PDK2: variants seen among roughly 807,000 people sequenced by gnomAD.
PDK2 encodes pyruvate dehydrogenase kinase, isozyme 2.
Under a neutral mutation model 50.4 loss-of-function variants are expected in PDK2, and 34 were observed. The ratio of observed to expected loss-of-function variants is 0.68; its 90% CI spans 0.51 to 0.90. PDK2 has a LOEUF of 0.90. PDK2 is among the 40% of genes least tolerant of loss of function. The pLI is 0.00. For synonymous variants in PDK2, 232 were observed against 216.0 expected, an observed-to-expected ratio of 1.07 and a Z score of -0.65; for missense variants, 377 against 544.5, an observed-to-expected ratio of 0.69 and a Z score of 3.06.
At position 50,106,298 on chromosome 17, in the gene PDK2, G is replaced by A; in HGVS notation, c.517+229G>A. Reference sequence around the variant, plus strand: ...GTTTTGTTTTCAGTGTTTGCAAAATGTAAAATTATGTCACATCTTTAAAAG... The same window carrying A: ...GTTTTGTTTTCAGTGTTTGCAAAATATAAAATTATGTCACATCTTTAAAAG... On this transcript the variant is annotated intron_variant, in intron 4 of 10. Coordinates refer to ENST00000503176, the MANE Select transcript of PDK2 (RefSeq NM_002611.5). 4 of 1,113,738 alleles carry A rather than the reference G, an allele frequency of 3.6e-6. 1 individual carries two copies. The South Asian group carries it at 7.5e-5, about 21-fold the overall frequency. 69.0% of individuals were successfully genotyped at this position (1,113,738 alleles called of 1,614,324 possible).
intron 4 of PDK2, chr17:50,106,344 T>C: frequency 1.3e-6 from 1 of 754,242 alleles, no homozygotes; most frequent in Non-Finnish European, 2.0e-6. Flanking sequence ...TTAGTATTTA[T>C]AAAAACTCTC....
intron 6 of PDK2, 147 bp from the exon 7 acceptor site, chr17:50,108,009 C>G (rs1480467176): frequency 3.0e-6 from 2 of 670,620 alleles, no homozygotes; most frequent in Non-Finnish European, 5.4e-6. Context: ...ACCAGCTACC[C>G]CAGCTCAAGG....
rs916452080 is a variant in PDK2, at chr17:50,111,708, G to C, written c.*1611G>C. On this transcript the variant is annotated 3_prime_UTR_variant, in exon 11 of 11. Transcript: ENST00000503176. ...AACTCTGACCAGTGTCCTGGAAGCG[G>C]GACTAGCTGCTGACCAGCGCCACAC... The C allele has an allele frequency of 3.3e-5, 5 of 152,312 alleles. No individual in the cohort carries two copies. Among genetic ancestry groups the C allele is most frequent in the African/African-American group, 1.2e-4 (5 of 41,450 alleles). 9.4% of individuals were successfully genotyped at this position (152,312 alleles called of 1,614,324 possible).
At chr17:50,098,064 C>G (rs1013988926) in intron 2 of PDK2, among the ~76,000 whole-genome samples, 3 of 152,184 alleles carry the variant, frequency 2.0e-5, no homozygotes, top group African/African-American at 7.2e-5. Flanking sequence ...TCCCGAAGAG[C>G]TTTGGAGGGG....
intron 9 of PDK2, 44 bp downstream of exon 9, chr17:50,108,763 C>T (rs1281168780): frequency 9.1e-7 from 1 of 1,098,422 alleles, no homozygotes; most frequent in South Asian, 1.3e-5. Context: ...CTGAGGGAGG[C>T]TTCTCTCCTC....
chr17:50,103,190 C>T (rs1910323630), intron 2 of PDK2, among the ~76,000 whole-genome samples: 1 of 152,134 alleles, frequency 6.6e-6, no homozygotes, highest in Non-Finnish European at 1.5e-5. Context: ...GAGAGAAAGG[C>T]TGATCTTTTC....
At chr17:50,105,203 C>G (rs1201235400) in intron 2 of PDK2, 168 bp from the exon 3 acceptor site, 1 of 504,332 alleles carries the variant, frequency 2.0e-6, no homozygotes, top group Non-Finnish European at 3.6e-6. Flanking sequence ...GTCAGGGAGA[C>G]TCACATACAA....
chr17:50,102,960 C>G (rs1442703922), intron 2 of PDK2, among the ~76,000 whole-genome samples: 1 of 152,196 alleles, frequency 6.6e-6, no homozygotes, highest in Non-Finnish European at 1.5e-5. Flanking sequence ...TACTATGTGG[C>G]CTGGGGCATA....
rs904666346 is a variant in PDK2, at chr17:50,101,401, C to T, written c.260+3837C>T. ...TTTGCAAATGGGGACCCGAGGGACTCGGTGGCCTCTTTAGGGCACAATCAG... is the reference window on the plus strand; with the variant it reads ...TTTGCAAATGGGGACCCGAGGGACTTGGTGGCCTCTTTAGGGCACAATCAG... On this transcript the variant is annotated intron_variant, in intron 2 of 10. Coordinates refer to ENST00000503176, the MANE Select transcript of PDK2 (RefSeq NM_002611.5). The surrounding 1 kb of genome is among the most constrained non-coding windows in gnomAD (Gnocchi z 4.2). Among the ~76,000 whole-genome samples the T allele has an allele frequency of 2.0e-5, 3 of 152,152 alleles. No individual in the cohort carries two copies. The highest frequency in any genetic ancestry group is 2.9e-5 in the Non-Finnish European group (2 of 68,012).
In PDK2 at chr17:50,110,293, G is replaced by A. The variant is rs544704742; in HGVS notation, c.*196G>A. 65 of 491,026 alleles carry A rather than the reference G, an allele frequency of 1.3e-4. 1 individual carries two copies. In the South Asian group the frequency reaches 2.7e-3, roughly 21 times the overall value. 30.4% of individuals were successfully genotyped at this position (491,026 alleles called of 1,614,324 possible). A position where few individuals can be genotyped will look rare whatever the true frequency, so the allele number is the denominator to read the frequency against. ...CAGTCCATCTCTGTGGAGACCCCTC[G>A]GTGGCCTCCCTATCTCTGTGGGCGA... On this transcript the variant is annotated 3_prime_UTR_variant, in exon 11 of 11. Coordinates refer to ENST00000503176, the MANE Select transcript of PDK2 (RefSeq NM_002611.5).
At chr17:50,104,870 C>T (rs1668288149) in intron 2 of PDK2, among the ~76,000 whole-genome samples, 1 of 152,366 alleles carries the variant, frequency 6.6e-6, no homozygotes, top group East Asian at 1.9e-4. Flanking sequence ...GTCTCCTCTG[C>T]CGGGGGTCAC....
chr17:50,098,611 C>A (rs1910066757), intron 2 of PDK2: 1 of 152,180 alleles, frequency 6.6e-6, no homozygotes, highest in Non-Finnish European at 1.5e-5. Context: ...GAAGAAAATG[C>A]CAACCACTCC....
chr17:50,095,229 C>T, upstream of PDK2: 1 of 508,698 alleles, frequency 2.0e-6, no homozygotes, highest in South Asian at 2.7e-5. Flanking sequence ...AGCCACGTGC[C>T]GGGGCGGAAG....
At position 50,110,489 on chromosome 17, in the gene PDK2, C is replaced by G. The variant is rs1238231754; in HGVS notation, c.*392C>G. ...CAAGTGGATGTCCCGTTGCCTTATTCCCCCAGCCCACAAAGGCACCCTGGC... is the reference window on the plus strand; with the variant it reads ...CAAGTGGATGTCCCGTTGCCTTATTGCCCCAGCCCACAAAGGCACCCTGGC... On this transcript the variant is annotated 3_prime_UTR_variant, in exon 11 of 11. Transcript: ENST00000503176. 1.3e-5 allele frequency: 2 copies of G among 159,342 alleles called. No homozygotes were observed. Among genetic ancestry groups the G allele is most frequent in the Non-Finnish European group, 2.7e-5 (2 of 72,982 alleles). 9.9% of individuals were successfully genotyped at this position (159,342 alleles called of 1,614,324 possible). A position where few individuals can be genotyped will look rare whatever the true frequency, so the allele number is the denominator to read the frequency against.
chr17:50,106,159 C>G (rs1456992393), intron 4 of PDK2, 90 bp downstream of exon 4: 1 of 1,539,846 alleles, frequency 6.5e-7, no homozygotes, highest in Non-Finnish European at 8.8e-7. Context: ...CTAGACCACT[C>G]TTCAGAACCC....
intron 6 of PDK2, 53 bp from the exon 7 acceptor site, chr17:50,108,103 G>C: frequency 4.8e-6 from 7 of 1,468,644 alleles, no homozygotes; most frequent in Non-Finnish European, 6.6e-6. Context: ...TAAGGTGGTT[G>C]AGCAGTGACC....
At position 50,095,957 on chromosome 17, in the gene PDK2, G is replaced by T. The variant is rs575725666; in HGVS notation, c.118+404G>T. ...GGAAACCGGGGGTCTGCTGGTGGGA[G>T]TGAGGAGGCAGGGTTTAGAGGTGCA... On this transcript the variant is annotated intron_variant, in intron 1 of 10. Coordinates refer to ENST00000503176, the MANE Select transcript of PDK2 (RefSeq NM_002611.5). 9.7e-5 allele frequency: 48 copies of T among 495,944 alleles called. 1 individual carries two copies. The South Asian group carries it at 3.0e-3, about 31-fold the overall frequency. The allele number at this position is 495,944 out of a possible 1,614,324, so 30.7% of individuals were successfully genotyped here. A position where few individuals can be genotyped will look rare whatever the true frequency, so the allele number is the denominator to read the frequency against.
chr17:50,104,083 C>A (rs963780864), intron 2 of PDK2, among the ~76,000 whole-genome samples: 5 of 152,178 alleles, frequency 3.3e-5, no homozygotes, highest in Non-Finnish European at 7.3e-5. Context: ...CAGAGAGAGG[C>A]TCTTCCTGCC....
rs924084653 is a variant in PDK2, at chr17:50,110,356, G to A, written c.*259G>A. 6 of 351,208 alleles carry A rather than the reference G, an allele frequency of 1.7e-5. No homozygotes were observed. The highest frequency in any genetic ancestry group is 8.9e-5 in the South Asian group (1 of 11,230). 21.8% of individuals were successfully genotyped at this position (351,208 alleles called of 1,614,324 possible). ...AGGGATGTCTCCACCCTGATGGGGT[G>A]TCCCAGAGACATTTTCCCATGGCAG... On this transcript the variant is annotated 3_prime_UTR_variant, in exon 11 of 11. Transcript: ENST00000503176.
Sources: allele counts gnomAD v4.1 joint callset (sites outside exome capture counted in the v4.1 genomes callset), GRCh38; gene constraint gnomAD v4.1.1; non-coding constraint Gnocchi (gnomAD v3.1); transcripts MANE v1.5; gene names NCBI Gene and HGNC (gene_info 2026-07-23, HGNC 2026-07-21).